The following DLG2 variants were observed in gnomAD, a reference collection of about 807,000 sequenced individuals.
DLG2 encodes discs large MAGUK scaffold protein 2, also known as disks large homolog 2.
A neutral mutation model predicts 132.5 loss-of-function variants in DLG2; 45 were observed. The observed-to-expected ratio is 0.34, with a 90% confidence interval of 0.27 to 0.44. The LOEUF is 0.44. Among genes scored for constraint, DLG2 ranks in the 20% least tolerant of loss-of-function variants. The pLI is 1.00. For missense variants in DLG2, 1,045 were observed against 1,196.9 expected (o/e 0.87, Z 1.87); for synonymous variants, 424 against 419.6 (o/e 1.01, Z -0.13).
intron 6 of DLG2, among the ~76,000 whole-genome samples, chr11:84,913,999 G>A (rs2092294654): frequency 6.6e-6 from 1 of 152,056 alleles, no homozygotes; most frequent in South Asian, 2.1e-4. Flanking sequence ...ACTCCTTTGG[G>A]CCAGTTTCCT....
chr11:84,551,548 T>G (rs1190402811), intron 6 of DLG2, among the ~76,000 whole-genome samples: 1 of 152,216 alleles, frequency 6.6e-6, no homozygotes, highest in African/African-American at 2.4e-5. Context: ...TAAACAAACT[T>G]ATGGAGTAGT....
intron 3 of DLG2, among the ~76,000 whole-genome samples, chr11:85,492,120 C>T (rs945027813): frequency 6.6e-6 from 1 of 151,982 alleles, no homozygotes; most frequent in Non-Finnish European, 1.5e-5. Flanking sequence ...TCAGTGTAGT[C>T]ACTACAAAAA....
At chr11:83,851,482 C>T (rs1428715159) in intron 16 of DLG2, among the ~76,000 whole-genome samples, 2 of 151,720 alleles carry the variant, frequency 1.3e-5, no homozygotes, top group African/African-American at 4.8e-5. Context: ...AAAAAATTAG[C>T]TGGGTGTGGT....
At chr11:83,623,403 C>G (rs1039202089) in intron 19 of DLG2, among the ~76,000 whole-genome samples, 1 of 152,224 alleles carries the variant, frequency 6.6e-6, no homozygotes, top group Non-Finnish European at 1.5e-5. Flanking sequence ...TTGGTGACAT[C>G]TGTAATCCAT....
intron 15 of DLG2, among the ~76,000 whole-genome samples, chr11:83,917,732 G>A (rs939365879): frequency 6.6e-5 from 10 of 152,182 alleles, no homozygotes; most frequent in African/African-American, 1.2e-4. Context: ...AATCACAGTC[G>A]TAGGTAAATA....
At chr11:83,534,225 C>T (rs910374052) in intron 20 of DLG2, among the ~76,000 whole-genome samples, 4 of 152,166 alleles carry the variant, frequency 2.6e-5, no homozygotes, top group Admixed American at 2.0e-4. Context: ...ACTGCATATA[C>T]AGGGTTGTAT....
chr11:84,563,612 A>C (rs2099436952), intron 6 of DLG2, among the ~76,000 whole-genome samples: 2 of 152,212 alleles, frequency 1.3e-5, no homozygotes, highest in Admixed American at 1.3e-4. Context: ...TCTGTGTTTT[A>C]GGTTGAAGCA....
rs1409344156 is a variant in DLG2, at chr11:84,963,449, GCTGTTTCAATAAGGTAT to G, written c.357+148195_357+148211del. Among the ~76,000 whole-genome samples, 5 of 139,424 alleles carry G rather than the reference GCTGTTTCAATAAGGTAT, an allele frequency of 3.6e-5. No individual in the cohort carries two copies. The East Asian group carries it at 1.5e-3, about 43-fold the overall frequency. The allele number at this position is 139,424 out of a possible 152,430, so 91.5% of individuals were successfully genotyped here. A position where few individuals can be genotyped will look rare whatever the true frequency, so the allele number is the denominator to read the frequency against. ...TGCCCACTCTATAGACTGCCTCCTGGCTGTTTCAATAAGGTATCTGCAGAGGAACTCTGATACCATTA... is the reference window on the plus strand; with the variant it reads ...TGCCCACTCTATAGACTGCCTCCTGGCTGCAGAGGAACTCTGATACCATTA... On this transcript the variant is annotated intron_variant, in intron 6 of 27. Transcript: ENST00000376104.
intron 7 of DLG2, among the ~76,000 whole-genome samples, chr11:84,310,551 C>T (rs1457748826): frequency 6.6e-6 from 1 of 152,200 alleles, no homozygotes; most frequent in Admixed American, 6.5e-5. Context: ...ATGTCAGCAT[C>T]CAGCAATAAG....
At position 84,085,271 on chromosome 11, in the gene DLG2, C is replaced by A. The variant is rs576020780; in HGVS notation, c.749+13652G>T. On this transcript the variant is annotated intron_variant, in intron 10 of 27. Coordinates refer to ENST00000376104, the MANE Select transcript of DLG2 (RefSeq NM_001142699.3). ...ATATATTTTTCTACCTCCCTCAAAC[C>A]ATTTTCTTTTGTCTAGAGCCCAAAG... Among the ~76,000 whole-genome samples the A allele has an allele frequency of 1.8e-4, 27 of 152,244 alleles. 1 individual carries two copies. The highest frequency in any genetic ancestry group is 8.5e-4 in the Admixed American group (13 of 15,280).
At chr11:85,102,009 T>C (rs962159054) in intron 6 of DLG2, among the ~76,000 whole-genome samples, 3 of 152,052 alleles carry the variant, frequency 2.0e-5, no homozygotes, top group Admixed American at 6.6e-5. Flanking sequence ...TGTGCTTTTG[T>C]GGCTGCCAAG....
At chr11:84,009,419 G>A (rs911218157) in intron 11 of DLG2, among the ~76,000 whole-genome samples, 2 of 152,034 alleles carry the variant, frequency 1.3e-5, no homozygotes, top group African/African-American at 4.8e-5. Flanking sequence ...ATACTAAAAT[G>A]AGCATATTGT....
intron 17 of DLG2, among the ~76,000 whole-genome samples, chr11:83,797,762 C>A (rs1179666304): frequency 1.3e-5 from 2 of 152,142 alleles, no homozygotes; most frequent in South Asian, 4.1e-4. Context: ...TTGTGATCCG[C>A]CCGCCTCGGC....
intron 6 of DLG2, among the ~76,000 whole-genome samples, chr11:84,984,731 C>T (rs1433472938): frequency 6.6e-6 from 1 of 152,024 alleles, no homozygotes; most frequent in Non-Finnish European, 1.5e-5. Flanking sequence ...TTCTCTGCTG[C>T]CTTCAAGAGA....
At chr11:84,995,164 C>A (rs771688426) in intron 6 of DLG2, among the ~76,000 whole-genome samples, 6 of 152,208 alleles carry the variant, frequency 3.9e-5, no homozygotes, top group Non-Finnish European at 7.4e-5. Flanking sequence ...TTATTTTCTT[C>A]TTTTATAAAT....
At chr11:84,272,754 G>T (rs1052354900) in intron 7 of DLG2, among the ~76,000 whole-genome samples, 1 of 152,098 alleles carries the variant, frequency 6.6e-6, no homozygotes, top group Non-Finnish European at 1.5e-5. Flanking sequence ...TTGGTTTCTT[G>T]ATCTATATAT....
chr11:83,465,575 A>G (rs1228929227), intron 26 of DLG2, among the ~76,000 whole-genome samples: 1 of 152,170 alleles, frequency 6.6e-6, no homozygotes, highest in African/African-American at 2.4e-5. Context: ...CTGTCATGGA[A>G]GAGGTACTGT....
chr11:83,954,168 C>A (rs956127580), intron 14 of DLG2, among the ~76,000 whole-genome samples: 1 of 152,012 alleles, frequency 6.6e-6, no homozygotes, highest in Non-Finnish European at 1.5e-5. Context: ...TGCATTTTTG[C>A]TAATATTTAT....
Position 85,598,647 on chromosome 11 carries a change from T to C in DLG2, c.40+10A>G, listed in dbSNP as rs778775730. On this transcript the variant is annotated intron_variant, in intron 3 of 27. Transcript: ENST00000376104. ...CCATTAAAATGATGAATAACTTTCA[T>C]AATACATACCTAGCAAAGCTTGGAA... 4 of 1,549,648 alleles carry C rather than the reference T, an allele frequency of 2.6e-6. No individual in the cohort carries two copies. Among genetic ancestry groups the C allele is most frequent in the Non-Finnish European group, 3.5e-6 (4 of 1,151,688 alleles).
Sources: allele counts gnomAD v4.1 joint callset (sites outside exome capture counted in the v4.1 genomes callset), GRCh38; gene constraint gnomAD v4.1.1; transcripts MANE v1.5; gene names NCBI Gene and HGNC (gene_info 2026-07-23, HGNC 2026-07-21).